Variants in RTN1 observed in about 807,000 individuals in gnomAD.
RTN1 encodes reticulon-1.
A neutral mutation model predicts 65.5 loss-of-function variants in RTN1; 25 were observed. That is an observed-to-expected ratio of 0.38 (90% CI 0.28 to 0.53). The LOEUF (loss-of-function observed/expected upper bound fraction) is 0.53, where lower values mean the gene tolerates loss of function less well. RTN1 is among the 20% of genes least tolerant of loss of function. The pLI is 0.79. For missense variants in RTN1, 983 were observed against 1,025.4 expected, an observed-to-expected ratio of 0.96 and a Z score of 0.57; for synonymous variants, 471 against 447.6, an observed-to-expected ratio of 1.05 and a Z score of -0.66.
intron 1 of RTN1, among the ~76,000 whole-genome samples, chr14:59,748,556 C>G (rs563162378): frequency 3.9e-5 from 6 of 152,142 alleles, no homozygotes; most frequent in Admixed American, 2.0e-4. Context: ...TATTCGCTAC[C>G]CTTCTCTGAT....
intron 1 of RTN1, among the ~76,000 whole-genome samples, chr14:59,809,971 A>C (rs1886699789): frequency 6.6e-6 from 1 of 152,190 alleles, no homozygotes; most frequent in African/African-American, 2.4e-5. Context: ...GCTGCATTCA[A>C]TCATCTTTCA....
chr14:59,726,110 T>C (rs1235206714), intron 3 of RTN1, among the ~76,000 whole-genome samples: 5 of 152,218 alleles, frequency 3.3e-5, no homozygotes, highest in Non-Finnish European at 7.3e-5. Flanking sequence ...CTCTAATTCC[T>C]TTCTTGAATT....
At chr14:59,859,195 C>T (rs1213929593) in intron 1 of RTN1, among the ~76,000 whole-genome samples, 7 of 151,998 alleles carry the variant, frequency 4.6e-5, no homozygotes, top group African/African-American at 1.7e-4. Context: ...TGACTGTGTC[C>T]CCACCCAAAT....
At chr14:59,617,040 G>A (rs1369621458) in intron 3 of RTN1, among the ~76,000 whole-genome samples, 1 of 152,236 alleles carries the variant, frequency 6.6e-6, no homozygotes, top group Non-Finnish European at 1.5e-5. Context: ...ATTTATGGAA[G>A]TATAGTTAAT....
At chr14:59,819,835 G>A (rs986837716) in intron 1 of RTN1, among the ~76,000 whole-genome samples, 5 of 152,156 alleles carry the variant, frequency 3.3e-5, no homozygotes, top group Non-Finnish European at 7.4e-5. Context: ...TCACTGCCTG[G>A]GCCGGTAGCG....
rs764541626 is a variant in RTN1 at position 59,727,451 on chromosome 14, T to C, written c.1233A>G (p.Ser411=). 6.4e-7 allele frequency: 1 copy of C among 1,558,836 alleles called. No individual in the cohort carries two copies. The highest frequency in any genetic ancestry group is 1.2e-5 in the South Asian group (1 of 84,942). The change falls in exon 3 of 9, where the codon TCA becomes TCG. Residue 411 remains serine, a synonymous_variant. Transcript: ENST00000267484. The surrounding 1 kb of genome is among the most constrained non-coding windows in gnomAD (Gnocchi z 4.2). ...HEASSAESGD[S]EIELVSEDPM... ...GGTCCTCGGACACCAGCTCGATCTC[T>C]GAGTCCCCCGACTCCGCGCTGCTGG...
intron 3 of RTN1, among the ~76,000 whole-genome samples, chr14:59,716,247 G>T (rs1339932788): frequency 6.6e-6 from 1 of 152,194 alleles, no homozygotes; most frequent in Non-Finnish European, 1.5e-5. Context: ...GTTGGAAAAA[G>T]ACACTGGCTG....
Position 59,851,766 on chromosome 14 carries a change from G to A in RTN1, c.241+18624C>T, listed in dbSNP as rs552831752. Among the ~76,000 whole-genome samples, 410 of 151,504 alleles carry A rather than the reference G, an allele frequency of 2.7e-3. 2 individuals carry two copies. The highest frequency in any genetic ancestry group is 9.4e-3 in the African/African-American group (386 of 41,280). On this transcript the variant is annotated intron_variant, in intron 1 of 8. Coordinates refer to ENST00000267484, the MANE Select transcript of RTN1 (RefSeq NM_021136.3). ...CAGCTATTCGGGAGGCTGAGGCAAG[G>A]GAATCGCTTGAACCTGGGAGGTGGA...
chr14:59,800,040 G>A (rs533388919), intron 1 of RTN1, among the ~76,000 whole-genome samples: 2 of 152,162 alleles, frequency 1.3e-5, no homozygotes, highest in Non-Finnish European at 2.9e-5. Flanking sequence ...TGAAAGATGG[G>A]CAAGGAAAGA....
rs186036459 is a variant in RTN1, at chr14:59,624,681, C to T, written c.1766-17189G>A. Among the ~76,000 whole-genome samples the T allele has an allele frequency of 7.9e-5, 12 of 152,170 alleles. No individual in the cohort carries two copies. The East Asian group carries it at 1.5e-3, about 20-fold the overall frequency. On this transcript the variant is annotated intron_variant, in intron 3 of 8. Transcript: ENST00000267484. ...TTCACTGTGTTGCCCAGGCTGGTCTCGAACTCCTGACCTCAGGTGGTCCAC... is the reference window on the plus strand; with the variant it reads ...TTCACTGTGTTGCCCAGGCTGGTCTTGAACTCCTGACCTCAGGTGGTCCAC...
chr14:59,845,390 G>A (rs923470380), intron 1 of RTN1, among the ~76,000 whole-genome samples: 5 of 152,000 alleles, frequency 3.3e-5, no homozygotes, highest in Non-Finnish European at 7.4e-5. Flanking sequence ...TGTCTGAGCC[G>A]GAAACTTAAA....
intron 3 of RTN1, among the ~76,000 whole-genome samples, chr14:59,721,853 A>C (rs988715990): frequency 2.0e-5 from 3 of 152,202 alleles, no homozygotes; most frequent in African/African-American, 7.2e-5. Flanking sequence ...ACTTTGTCTC[A>C]GGCTAATGAG....
intron 3 of RTN1, among the ~76,000 whole-genome samples, chr14:59,705,584 G>C (rs946901839): frequency 6.6e-6 from 1 of 152,154 alleles, no homozygotes; most frequent in African/African-American, 2.4e-5. Context: ...TCATTATTTT[G>C]CTAATGTTTC....
At chr14:59,725,188 GGTCA>G (rs1164190706) in intron 3 of RTN1, among the ~76,000 whole-genome samples, 4 of 152,198 alleles carry the variant, frequency 2.6e-5, no homozygotes, top group Non-Finnish European at 5.9e-5. Context: ...TCAGGTGTCT[GGTCA>G]GTCAGTCCCA....
In RTN1 at chr14:59,722,720, T is replaced by TA. The variant is rs199649677; in HGVS notation, c.1765+4198dup. Among the ~76,000 whole-genome samples, 988 of 135,814 alleles carry TA rather than the reference T, an allele frequency of 7.3e-3. 6 individuals carry two copies. Among genetic ancestry groups the TA allele is most frequent in the African/African-American group, 0.018 (674 of 37,014 alleles). The allele number at this position is 135,814 out of a possible 152,430, so 89.1% of individuals were successfully genotyped here. On this transcript the variant is annotated intron_variant, in intron 3 of 8. Transcript: ENST00000267484. ...AATTCTTGAAGAACAAGAACAACAA[T>TA]AAAAAAAAAACAATACAAAGGCCTG...
At chr14:59,837,925 G>C (rs1887241392) in intron 1 of RTN1, among the ~76,000 whole-genome samples, 1 of 151,980 alleles carries the variant, frequency 6.6e-6, no homozygotes, top group African/African-American at 2.4e-5. Context: ...TGATTTGGGG[G>C]GTTTGGGGTC....
Position 59,633,036 on chromosome 14 carries a change from G to A in RTN1, c.1766-25544C>T, listed in dbSNP as rs577522372. 1.8e-4 allele frequency among the ~76,000 whole-genome samples: 28 copies of A among 152,290 alleles called. No individual in the cohort carries two copies. In the East Asian group the frequency reaches 4.4e-3, roughly 24 times the overall value. ...AAGATCACTTGAACCCAGGGAGATCGAGGCTGCAGTGAGTTGTGATCGCAC... is the reference window on the plus strand; with the variant it reads ...AAGATCACTTGAACCCAGGGAGATCAAGGCTGCAGTGAGTTGTGATCGCAC... On this transcript the variant is annotated intron_variant, in intron 3 of 8. Coordinates refer to ENST00000267484, the MANE Select transcript of RTN1 (RefSeq NM_021136.3).
chr14:59,847,176 G>A (rs536290092), intron 1 of RTN1, among the ~76,000 whole-genome samples: 31 of 152,078 alleles, frequency 2.0e-4, no homozygotes, highest in Non-Finnish European at 1.3e-4. Context: ...TACTTCTATC[G>A]TATTTCTTCA....
At chr14:59,718,953 T>C (rs1884594001) in intron 3 of RTN1, among the ~76,000 whole-genome samples, 1 of 152,134 alleles carries the variant, frequency 6.6e-6, no homozygotes. Flanking sequence ...ATTCCTCTCA[T>C]CTCCAATGCT....
Sources: allele counts gnomAD v4.1 joint callset (sites outside exome capture counted in the v4.1 genomes callset), GRCh38; gene constraint gnomAD v4.1.1; non-coding constraint Gnocchi (gnomAD v3.1); transcripts MANE v1.5; gene names NCBI Gene and HGNC (gene_info 2026-07-23, HGNC 2026-07-21).